Variants in BCS1L observed in about 807,000 individuals in gnomAD.
BCS1L encodes the protein mitochondrial chaperone BCS1.
Under a neutral mutation model 49.3 loss-of-function variants are expected in BCS1L, and 38 were observed. The ratio of observed to expected loss-of-function variants is 0.77; its 90% CI spans 0.59 to 1.01. The LOEUF is 1.01. BCS1L is among the 50% of genes least tolerant of loss of function. The pLI is 0.00. For missense variants in BCS1L, 394 were observed against 540.2 expected (o/e 0.73, Z 2.68); for synonymous variants, 193 against 210.1 (o/e 0.92, Z 0.70).
rs754988448 is a variant in BCS1L, at chr2:218,663,182, C to T, written c.1056C>T (p.Tyr352=). 5 of 1,614,192 alleles carry T rather than the reference C, an allele frequency of 3.1e-6. No homozygotes were observed. Among genetic ancestry groups the T allele is most frequent in the South Asian group, 1.1e-5 (1 of 91,080 alleles). ...IRPGRVDLKE[Y]VGYCSHWQLT... ...CGGGGCGAGTGGACCTGAAGGAGTA[C>T]GTGGGCTACTGCTCACACTGGCAGC... is the stretch of plus-strand genomic sequence containing the variant. Residue 352 remains tyrosine, a synonymous_variant, in exon 8 of 8, where the codon TAC becomes TAT. Coordinates refer to ENST00000359273, the MANE Select transcript of BCS1L (RefSeq NM_001079866.2).
chr2:218,662,864 T>C lies in BCS1L; in HGVS notation c.890-19T>C, dbSNP rs761345871. The C allele has an allele frequency of 1.2e-6, 2 of 1,610,964 alleles. No homozygotes were observed. The highest frequency in any genetic ancestry group is 1.7e-6 in the Non-Finnish European group (2 of 1,177,210). Reference sequence around the variant, plus strand: ...TGGGCTATGACTACTCATGCTTCCTTATCTTTGCCTTCCTCCAGACCCAGT... The same window carrying C: ...TGGGCTATGACTACTCATGCTTCCTCATCTTTGCCTTCCTCCAGACCCAGT... On this transcript the variant is annotated intron_variant, in intron 6 of 7. Coordinates refer to ENST00000359273, the MANE Select transcript of BCS1L (RefSeq NM_001079866.2). The surrounding 1 kb of genome is among the most constrained non-coding windows in gnomAD (Gnocchi z 5.8).
At position 218,661,020 on chromosome 2, in the gene BCS1L, G is replaced by T. The variant is rs1185083041; in HGVS notation, c.33G>T (p.Lys11Asn). The T allele has an allele frequency of 6.2e-7, 1 of 1,614,050 alleles. No individual in the cohort carries two copies. Among genetic ancestry groups the T allele is most frequent in the South Asian group, 1.1e-5 (1 of 91,084 alleles). MPLSDFILAL[K>N]DNPYFGAGFG... ...TTTCAGACTTTATTCTGGCTCTGAAGGACAATCCCTACTTTGGGGCTGGAT... is the reference window on the plus strand; with the variant it reads ...TTTCAGACTTTATTCTGGCTCTGAATGACAATCCCTACTTTGGGGCTGGAT... The change falls in exon 2 of 8, where the codon AAG becomes AAT. Residue 11 changes from lysine to asparagine, a missense_variant. Transcript: ENST00000359273. This position sits in a 1 kb window ranked among gnomAD's most constrained non-coding sequence, Gnocchi z 5.9.
rs1382244575 is a variant in BCS1L at position 218,659,759 on chromosome 2, G to A, written c.-50+16G>A. 6.6e-6 allele frequency: 1 copy of A among 152,306 alleles called. No homozygotes were observed. The highest frequency in any genetic ancestry group is 1.5e-5 in the Non-Finnish European group (1 of 68,168). The allele number at this position is 152,306 out of a possible 1,614,324, so 9.4% of individuals were successfully genotyped here. A position where few individuals can be genotyped will look rare whatever the true frequency, so the allele number is the denominator to read the frequency against. The stretch of plus-strand genomic sequence containing the variant: ...AGTCACGGCGGTGAGAGGGCTGAGT[G>A]ACGGGTTACCCCAAACCATGTGGCT... On this transcript the variant is annotated intron_variant, in intron 1 of 7. Transcript: ENST00000359273. This position sits in a 1 kb window ranked among gnomAD's most constrained non-coding sequence, Gnocchi z 4.4.
In BCS1L at chr2:218,661,349, A is replaced by G; in HGVS notation, c.320+42A>G. The G allele has an allele frequency of 6.2e-7, 1 of 1,614,224 alleles. No individual in the cohort carries two copies. Among genetic ancestry groups the G allele is most frequent in the Non-Finnish European group, 8.5e-7 (1 of 1,180,034 alleles). ...GGGAGGGCTGTGAGAGTAGAAAAGA[A>G]TGATGGGAGCTGGGTTTGACCCATT... is the stretch of plus-strand genomic sequence containing the variant. On this transcript the variant is annotated intron_variant, in intron 2 of 7. Coordinates refer to ENST00000359273, the MANE Select transcript of BCS1L (RefSeq NM_001079866.2). This position sits in a 1 kb window ranked among gnomAD's most constrained non-coding sequence, Gnocchi z 5.9.
At position 218,661,651 on chromosome 2, in the gene BCS1L, C is replaced by G; in HGVS notation, c.460+106C>G. ...TGGAATAAGCAGGCCGGGGTGAGCC[C>G]ATGGGAACAGGGGGCCAGAAGGAAG... On this transcript the variant is annotated intron_variant, in intron 3 of 7. Coordinates refer to ENST00000359273, the MANE Select transcript of BCS1L (RefSeq NM_001079866.2). The surrounding 1 kb of genome is among the most constrained non-coding windows in gnomAD (Gnocchi z 5.9). 6.3e-7 allele frequency: 1 copy of G among 1,580,942 alleles called. No homozygotes were observed. Among genetic ancestry groups the G allele is most frequent in the Non-Finnish European group, 8.6e-7 (1 of 1,162,780 alleles).
chr2:218,661,900 T>C lies in BCS1L; in HGVS notation c.602T>C (p.Ile201Thr). 6.2e-7 allele frequency: 1 copy of C among 1,614,160 alleles called. No individual in the cohort carries two copies. Among genetic ancestry groups the C allele is most frequent in the Non-Finnish European group, 8.5e-7 (1 of 1,180,026 alleles). Reference sequence around the variant, plus strand: ...CTACAACAGGGTCTGGCTGACCGAATTGTCAGAGACGTCCAGGAATTCATC... The same window carrying C: ...CTACAACAGGGTCTGGCTGACCGAACTGTCAGAGACGTCCAGGAATTCATC... ...VVLQQGLADR[I>T]VRDVQEFIDN... The change falls in exon 4 of 8, where the codon ATT becomes ACT. Residue 201 changes from isoleucine to threonine, a missense_variant. Coordinates refer to ENST00000359273, the MANE Select transcript of BCS1L (RefSeq NM_001079866.2). The surrounding 1 kb of genome is among the most constrained non-coding windows in gnomAD (Gnocchi z 5.9).
rs755462817 is a variant in BCS1L, at chr2:218,661,852, G to A, written c.554G>A (p.Arg185Gln). Residue 185 changes from arginine to glutamine, a missense_variant, in exon 4 of 8, where the codon CGG (arginine) becomes CAG (glutamine). By Grantham distance (43) the Arg-to-Gln change is conservative. Coordinates refer to ENST00000359273, the MANE Select transcript of BCS1L (RefSeq NM_001079866.2). The surrounding 1 kb of genome is among the most constrained non-coding windows in gnomAD (Gnocchi z 5.9). Reference sequence around the variant, plus strand: ...CGTCCCTTTGGCTATCCACGCCGCCGGCGACCACTGAATTCTGTGGTTCTA... The same window carrying A: ...CGTCCCTTTGGCTATCCACGCCGCCAGCGACCACTGAATTCTGTGGTTCTA... ...EWRPFGYPRR[R>Q]RPLNSVVLQQ... 61 of 1,614,198 alleles carry A rather than the reference G, an allele frequency of 3.8e-5. 1 individual carries two copies. In the South Asian group the frequency reaches 5.9e-4, roughly 16 times the overall value.
rs779638704 is a variant in BCS1L at position 218,661,754 on chromosome 2, C to G, written c.461-5C>G. ...ATTGGCTTTATCTCATCTTCTCCTT[C>G]CCAGCTCGAGAGCTAGCCTTGCAGC... On this transcript the variant is annotated splice_region_variant and splice_polypyrimidine_tract_variant and intron_variant, in intron 3 of 7. Coordinates refer to ENST00000359273, the MANE Select transcript of BCS1L (RefSeq NM_001079866.2). This position sits in a 1 kb window ranked among gnomAD's most constrained non-coding sequence, Gnocchi z 5.9. 11 of 1,608,504 alleles carry G rather than the reference C, an allele frequency of 6.8e-6. No individual in the cohort carries two copies. The highest frequency in any genetic ancestry group is 8.5e-6 in the Non-Finnish European group (10 of 1,175,796).
chr2:218,663,079 G>A lies in BCS1L; in HGVS notation c.1008-55G>A, dbSNP rs936010395. 39 of 1,614,004 alleles carry A rather than the reference G, an allele frequency of 2.4e-5. No homozygotes were observed. In the East Asian group the frequency reaches 4.2e-4, roughly 18 times the overall value. On this transcript the variant is annotated intron_variant, in intron 7 of 7. Coordinates refer to ENST00000359273, the MANE Select transcript of BCS1L (RefSeq NM_001079866.2). ...AGTGCCTTGGGAGGAACAGGAGGTCGAGGGGCCATCTCTGTTGGGTGCTAG... is the reference window on the plus strand; with the variant it reads ...AGTGCCTTGGGAGGAACAGGAGGTCAAGGGGCCATCTCTGTTGGGTGCTAG...
At chr2:218,660,901 C>A in intron 1 of BCS1L, 38 bp from the exon 2 acceptor site, 3 of 1,471,498 alleles carry the variant, frequency 2.0e-6, no homozygotes, top group Admixed American at 1.7e-5. Context: ...AATTTCTAAT[C>A]TGTGCTTTGT....
chr2:218,661,730 T>C lies in BCS1L; in HGVS notation c.461-29T>C, dbSNP rs1294598611. On this transcript the variant is annotated intron_variant, in intron 3 of 7. Coordinates refer to ENST00000359273, the MANE Select transcript of BCS1L (RefSeq NM_001079866.2). The surrounding 1 kb of genome is among the most constrained non-coding windows in gnomAD (Gnocchi z 5.9). Reference sequence around the variant, plus strand: ...GAATCAGCCATGGTGAAGAGAATTATTGGCTTTATCTCATCTTCTCCTTCC... The same window carrying C: ...GAATCAGCCATGGTGAAGAGAATTACTGGCTTTATCTCATCTTCTCCTTCC... 8 of 1,605,970 alleles carry C rather than the reference T, an allele frequency of 5.0e-6. No individual in the cohort carries two copies. The highest frequency in any genetic ancestry group is 1.3e-5 in the African/African-American group (1 of 74,628).
chr2:218,663,143 T>C lies in BCS1L; in HGVS notation c.1017T>C (p.Pro339=), dbSNP rs35843327. Residue 339 remains proline (P), a synonymous_variant, in exon 8 of 8, where the codon CCT becomes CCC. Transcript: ENST00000359273. ...CCCTGTCTTCTCTCAGGCTGGACCC[T>C]GCCCTGATACGCCCGGGGCGAGTGG... The part of the protein sequence containing the change: ...MTTNHVDRLD[P]ALIRPGRVDL... 96,954 of 1,614,096 alleles carry C rather than the reference T, an allele frequency of 0.06. 8,930 individuals are homozygous for C. The highest frequency in any genetic ancestry group is 0.44 in the African/African-American group (32,972 of 74,968).
At position 218,663,362 on chromosome 2, in the gene BCS1L, C is replaced by T; in HGVS notation, c.1236C>T (p.His412=). The change falls in exon 8 of 8, where the codon CAC becomes CAT. Residue 412 remains histidine, a synonymous_variant. Coordinates refer to ENST00000359273, the MANE Select transcript of BCS1L (RefSeq NM_001079866.2). ...AAAATGACCCTGTAGGGGCAATTCA[C>T]AATGCTGAGTCTCTGAGGAGGTGAT... is the stretch of plus-strand genomic sequence containing the variant. ...LYKNDPVGAI[H]NAESLRR is the part of the protein sequence containing the mutation. 1.2e-6 allele frequency: 2 copies of T among 1,614,144 alleles called. No homozygotes were observed. The highest frequency in any genetic ancestry group is 1.7e-6 in the Non-Finnish European group (2 of 1,180,044).
In BCS1L at chr2:218,661,860, C is replaced by T. The variant is rs1458699500; in HGVS notation, c.562C>T (p.Leu188=). 6.2e-7 allele frequency: 1 copy of T among 1,614,122 alleles called. No individual in the cohort carries two copies. The part of the protein sequence containing the change: ...PFGYPRRRRP[L]NSVVLQQGLA... ...TGGCTATCCACGCCGCCGGCGACCACTGAATTCTGTGGTTCTACAACAGGG... is the reference window on the plus strand; with the variant it reads ...TGGCTATCCACGCCGCCGGCGACCATTGAATTCTGTGGTTCTACAACAGGG... Residue 188 remains leucine, a synonymous_variant, in exon 4 of 8, where the codon CTG becomes TTG. Transcript: ENST00000359273. The surrounding 1 kb of genome is among the most constrained non-coding windows in gnomAD (Gnocchi z 5.9).
chr2:218,661,904 C>G lies in BCS1L; in HGVS notation c.606C>G (p.Val202=). ...AACAGGGTCTGGCTGACCGAATTGT[C>G]AGAGACGTCCAGGAATTCATCGATA... is the stretch of plus-strand genomic sequence containing the variant. ...VLQQGLADRI[V]RDVQEFIDNP... is the part of the protein sequence containing the mutation. The change falls in exon 4 of 8, where the codon GTC becomes GTG. Residue 202 remains valine (V), a synonymous_variant. Coordinates refer to ENST00000359273, the MANE Select transcript of BCS1L (RefSeq NM_001079866.2). The surrounding 1 kb of genome is among the most constrained non-coding windows in gnomAD (Gnocchi z 5.9). 1 of 1,614,134 alleles carries G rather than the reference C, an allele frequency of 6.2e-7. No individual in the cohort carries two copies. The highest frequency in any genetic ancestry group is 8.5e-7 in the Non-Finnish European group (1 of 1,180,036).
rs1939140141 is a variant in BCS1L, at chr2:218,659,857, A to T, written c.-50+114A>T. On this transcript the variant is annotated intron_variant, in intron 1 of 7. Transcript: ENST00000359273. This position sits in a 1 kb window ranked among gnomAD's most constrained non-coding sequence, Gnocchi z 4.4. Reference sequence around the variant, plus strand: ...GTGTCGCGGAGGGGCCGGGGACGGGAGAGCTTTGTCTGTGGCCTTCCATGC... The same window carrying T: ...GTGTCGCGGAGGGGCCGGGGACGGGTGAGCTTTGTCTGTGGCCTTCCATGC... 1 of 152,344 alleles carries T rather than the reference A, an allele frequency of 6.6e-6. No individual in the cohort carries two copies. Among genetic ancestry groups the T allele is most frequent in the African/African-American group, 2.4e-5 (1 of 41,374 alleles). 9.4% of individuals were successfully genotyped at this position (152,344 alleles called of 1,614,324 possible).
chr2:218,660,313 G>C (rs1939203043), intron 1 of BCS1L: 1 of 153,438 alleles, frequency 6.5e-6, no homozygotes. Flanking sequence ...TCAGGGGTCT[G>C]CTGGGAGCCA....
intron 1 of BCS1L, chr2:218,660,406 T>C: frequency 8.2e-5 from 13 of 159,330 alleles, no homozygotes; most frequent in South Asian, 5.3e-4. Context: ...TGTGTAGATG[T>C]TCCGTGAAGC....
Position 218,663,000 on chromosome 2 carries a change from G to A in BCS1L, c.1007G>A (p.Arg336Lys), listed in dbSNP as rs1367658254. 2 of 1,613,844 alleles carry A rather than the reference G, an allele frequency of 1.2e-6. No homozygotes were observed. Among genetic ancestry groups the A allele is most frequent in the African/African-American group, 2.7e-5 (2 of 74,836 alleles). The change falls in exon 7 of 8, where the codon AGG becomes AAG. Residue 336 changes from arginine (R) to lysine (K), a missense_variant and splice_region_variant. Physicochemically the swap from Arg to Lys is conservative, Grantham distance 26. Transcript: ENST00000359273. This position sits in a 1 kb window ranked among gnomAD's most constrained non-coding sequence, Gnocchi z 5.8. Reference protein sequence around the residue: ...IVFMTTNHVDRLDPALIRPGR... With the variant: ...IVFMTTNHVDKLDPALIRPGR... Reference sequence around the variant, plus strand: ...TTCATGACCACCAACCACGTTGACAGGTAGGAAGGAGCCAGGCATCCTGAG... The same window carrying A: ...TTCATGACCACCAACCACGTTGACAAGTAGGAAGGAGCCAGGCATCCTGAG...
Sources: gnomAD v4.1 joint callset for allele counts on GRCh38, gnomAD v4.1.1 for gene constraint, Gnocchi (gnomAD v3.1) non-coding constraint, MANE v1.5 for transcripts, NCBI Gene and HGNC (gene_info 2026-07-23, HGNC 2026-07-21) for gene names.